The following ZNF839 variants were observed in gnomAD, a reference collection of about 807,000 sequenced individuals.
The protein encoded by ZNF839 is zinc finger protein 839.
A neutral mutation model predicts 56.4 loss-of-function variants in ZNF839; 38 were observed. The ratio of observed to expected loss-of-function variants is 0.67; its 90% CI spans 0.52 to 0.88. The LOEUF is 0.88. Among genes scored for constraint, ZNF839 ranks in the 40% least tolerant of loss-of-function variants. The pLI is 0.00. For synonymous variants in ZNF839, 486 were observed against 493.5 expected (o/e 0.98, Z 0.20); for missense variants, 1,091 against 1,177.6 (o/e 0.93, Z 1.08).
At chr14:102,335,944 T>A in intron 5 of ZNF839, 106 bp downstream of exon 5, 1 of 1,281,508 alleles carries the variant, frequency 7.8e-7, no homozygotes, top group East Asian at 2.4e-5. Flanking sequence ...TTTGGGAGAC[T>A]GAGGCAGGTG....
chr14:102,325,943 G>T, intron 1 of ZNF839, 42 bp from the exon 2 acceptor site: 2 of 1,582,702 alleles, frequency 1.3e-6, no homozygotes, highest in Non-Finnish European at 1.7e-6. Context: ...ATGTTCATAA[G>T]CACAATGCTT....
At chr14:102,335,925 T>A in intron 5 of ZNF839, 87 bp downstream of exon 5, 1 of 1,477,684 alleles carries the variant, frequency 6.8e-7, no homozygotes, top group South Asian at 1.2e-5. Flanking sequence ...ATGCTTGTAG[T>A]CCCAGTGCTT....
chr14:102,319,952 C>A lies in ZNF839; in HGVS notation c.187C>A (p.Arg63=). ...GCCGCCGCCGCCCCCCTTCGTGCTG[C>A]GGGACGCGGCGCGGCGGCTGCGGGA... ...PPPPPPPFVL[R]DAARRLRDAA... The change falls in exon 1 of 8, where the codon CGG becomes AGG. Residue 63 remains arginine, a synonymous_variant. Transcript: ENST00000442396. This position sits in a 1 kb window ranked among gnomAD's most constrained non-coding sequence, Gnocchi z 4.5. The A allele has an allele frequency of 1.7e-6, 2 of 1,163,144 alleles. No homozygotes were observed. Among genetic ancestry groups the A allele is most frequent in the Non-Finnish European group, 2.1e-6 (2 of 947,032 alleles). The allele number at this position is 1,163,144 out of a possible 1,614,324, so 72.1% of individuals were successfully genotyped here.
At chr14:102,319,736 A>G (rs1169445792), upstream of ZNF839, 1 of 1,226,778 alleles carries the variant, frequency 8.2e-7, no homozygotes, top group Non-Finnish European at 1.0e-6. The surrounding 1 kb of genome is among the most constrained non-coding windows in gnomAD (Gnocchi z 4.5). Context: ...TCGCTCAGCG[A>G]CCCGGGTTCG....
intron 2 of ZNF839, among the ~76,000 whole-genome samples, chr14:102,330,554 C>T (rs1395249012): frequency 2.4e-5 from 3 of 122,556 alleles, no homozygotes; most frequent in Non-Finnish European, 3.3e-5. Context: ...TTTTTTTTGG[C>T]GATAGAGTCT....
At chr14:102,340,001 C>T (rs1482054081) in intron 7 of ZNF839, among the ~76,000 whole-genome samples, 5 of 151,878 alleles carry the variant, frequency 3.3e-5, no homozygotes, top group South Asian at 4.2e-4. Context: ...AGACGGGAGT[C>T]GCACTTTGTC....
In ZNF839 at chr14:102,339,177, C is replaced by T. The variant is rs772398389; in HGVS notation, c.1881C>T (p.Asn627=). The change falls in exon 7 of 8, where the codon AAC becomes AAT. Residue 627 remains asparagine, a synonymous_variant. Coordinates refer to ENST00000442396, the MANE Select transcript of ZNF839 (RefSeq NM_018335.6). The part of the protein sequence containing the change: ...SNDTTESLAA[N]SRGREKPRPL... ...ATACCACTGAATCTCTTGCTGCCAA[C>T]AGCAGAGGCCGGGAGAAGCCCAGGC... The T allele has an allele frequency of 3.1e-6, 5 of 1,612,500 alleles. No homozygotes were observed. Among genetic ancestry groups the T allele is most frequent in the African/African-American group, 2.7e-5 (2 of 75,048 alleles).
intron 7 of ZNF839, 23 bp downstream of exon 7, chr14:102,339,246 G>C (rs781084678): frequency 3.1e-6 from 5 of 1,605,766 alleles, no homozygotes; most frequent in East Asian, 2.2e-5. Context: ...TGCTGTTTGT[G>C]GGGTGTATCC....
At chr14:102,319,730 T>G, upstream of ZNF839, 4 of 1,226,408 alleles carry the variant, frequency 3.3e-6, no homozygotes, top group Non-Finnish European at 4.1e-6. This position sits in a 1 kb window ranked among gnomAD's most constrained non-coding sequence, Gnocchi z 4.5. Context: ...ACGCCGTCGC[T>G]CAGCGACCCG....
intron 1 of ZNF839, among the ~76,000 whole-genome samples, chr14:102,324,266 C>G (rs933658916): frequency 6.6e-6 from 1 of 152,106 alleles, no homozygotes; most frequent in Non-Finnish European, 1.5e-5. Context: ...TGGGTAACGC[C>G]GGGCACGGTG....
rs749112561 is a variant in ZNF839 at position 102,331,721 on chromosome 14, TG to T, written c.1292del (p.Cys431SerfsTer64). On this transcript the variant is annotated frameshift_variant, in exon 3 of 8. Transcript: ENST00000442396. LOFTEE classifies it high-confidence loss of function. Reference protein sequence around the residue: ...ERYQGPRRRACSETLAESRTA... With the variant: ...ERYQGPRRRAXSETLAESRTA... ...ATACCAAGGACCTAGAAGACGCGCA[TG>T]CTCAGAGACCCTTGCAGAGTCCCGC... 1.9e-6 allele frequency: 3 copies of T among 1,609,134 alleles called. No individual in the cohort carries two copies. The African/African-American group carries it at 4.0e-5, about 21-fold the overall frequency.
upstream of ZNF839, among the ~76,000 whole-genome samples, chr14:102,318,930 A>C (rs560799262): frequency 3.8e-4 from 58 of 152,288 alleles, no homozygotes; most frequent in African/African-American, 1.3e-3. Context: ...CCAGGTGCTT[A>C]AGAAGGGTTT....
intron 1 of ZNF839, among the ~76,000 whole-genome samples, chr14:102,324,316 G>A (rs1189555386): frequency 6.6e-6 from 1 of 152,024 alleles, no homozygotes; most frequent in Admixed American, 6.6e-5. Flanking sequence ...AGGCTGAGGC[G>A]GACAGATCAT....
Position 102,339,170 on chromosome 14 carries a change from C to T in ZNF839, c.1874C>T (p.Ala625Val), listed in dbSNP as rs774530643. The change falls in exon 7 of 8, where the codon GCT (alanine) becomes GTT (valine). Residue 625 changes from alanine (A) to valine (V), a missense_variant. Physicochemically the swap from Ala to Val is moderately conservative, Grantham distance 64. Around this residue, in one of 3 missense-constraint regions of ZNF839, gnomAD observed 431 missense variants for 468.0 expected, o/e 0.92. Transcript: ENST00000442396. ...TCCAACGATACCACTGAATCTCTTGCTGCCAACAGCAGAGGCCGGGAGAAG... is the reference window on the plus strand; with the variant it reads ...TCCAACGATACCACTGAATCTCTTGTTGCCAACAGCAGAGGCCGGGAGAAG... ...ALSNDTTESL[A>V]ANSRGREKPR... 1.2e-6 allele frequency: 2 copies of T among 1,612,878 alleles called. No homozygotes were observed. Among genetic ancestry groups the T allele is most frequent in the Admixed American group, 3.3e-5 (2 of 59,796 alleles).
At chr14:102,329,996 T>C (rs1004032579) in intron 2 of ZNF839, among the ~76,000 whole-genome samples, 10 of 151,800 alleles carry the variant, frequency 6.6e-5, no homozygotes, top group African/African-American at 2.4e-4. Context: ...GGTTTTACCA[T>C]GTTGGCCAGG....
At chr14:102,330,475 C>CTCAAA (rs2139524600) in intron 2 of ZNF839, among the ~76,000 whole-genome samples, 1 of 151,652 alleles carries the variant, frequency 6.6e-6, no homozygotes, top group South Asian at 2.1e-4. Context: ...CTCAGGCAAT[C>CTCAAA]CACCTGCCTC....
Position 102,319,806 on chromosome 14 carries a change from A to C in ZNF839, c.41A>C (p.Asp14Ala). The stretch of plus-strand genomic sequence containing the variant: ...CCGGAGGCTGGGGGCGGCAGCGAGG[A>C]TGGCGGCGGCGGCGGCGGCCCGGCT... The part of the protein sequence containing the change: ...AEPEAGGGSE[D>A]GGGGGGPAPP... The change falls in exon 1 of 8, where the codon GAT becomes GCT. Residue 14 changes from aspartate to alanine, a missense_variant. Coordinates refer to ENST00000442396, the MANE Select transcript of ZNF839 (RefSeq NM_018335.6). The surrounding 1 kb of genome is among the most constrained non-coding windows in gnomAD (Gnocchi z 4.5). 1 of 1,229,616 alleles carries C rather than the reference A, an allele frequency of 8.1e-7. No individual in the cohort carries two copies. Among genetic ancestry groups the C allele is most frequent in the Non-Finnish European group, 1.0e-6 (1 of 986,922 alleles). 76.2% of individuals were successfully genotyped at this position (1,229,616 alleles called of 1,614,324 possible).
intron 1 of ZNF839, among the ~76,000 whole-genome samples, chr14:102,324,029 C>T (rs957411378): frequency 6.6e-6 from 1 of 152,156 alleles, no homozygotes; most frequent in African/African-American, 2.4e-5. Context: ...TTAGAAATAT[C>T]TGCATATGCC....
At chr14:102,318,719 TGTGA>T (rs2072973627), upstream of ZNF839, among the ~76,000 whole-genome samples, 1 of 151,894 alleles carries the variant, frequency 6.6e-6, no homozygotes, top group Admixed American at 6.6e-5. Flanking sequence ...GTGAATGCAA[TGTGA>T]GTATTGATGA....
Sources: gnomAD v4.1 joint callset for allele counts (sites outside exome capture counted in the v4.1 genomes callset) on GRCh38, gnomAD v4.1.1 for gene constraint, gnomAD v4.1.1 regional missense constraint, Gnocchi (gnomAD v3.1) non-coding constraint, MANE v1.5 for transcripts, NCBI Gene and HGNC (gene_info 2026-07-23, HGNC 2026-07-21) for gene names.